KDM1B: variants seen among roughly 807,000 people sequenced by gnomAD.
KDM1B encodes the protein lysine-specific histone demethylase 2.
KDM1B carries 63 observed loss-of-function variants against 107.4 expected under a neutral mutation model. The ratio of observed to expected loss-of-function variants is 0.59; its 90% CI spans 0.48 to 0.72. The LOEUF (loss-of-function observed/expected upper bound fraction) is 0.72. Ranked by LOEUF, KDM1B falls within the 30% of genes least tolerant of loss-of-function variation. The pLI is 0.00. For synonymous variants in KDM1B, 363 were observed against 363.9 expected (o/e 1.00, Z 0.03); for missense variants, 749 against 1,020.8 (o/e 0.73, Z 3.63).
At chr6:18,163,672 T>TAAA (rs1161522873) in intron 5 of KDM1B, among the ~76,000 whole-genome samples, 9 of 152,354 alleles carry the variant, frequency 5.9e-5, no homozygotes, top group Non-Finnish European at 1.3e-4. Context: ...GTTTTCCTTT[T>TAAA]TGATCTATAG....
chr6:18,215,958 T>G (rs1789195517), intron 20 of KDM1B, among the ~76,000 whole-genome samples: 1 of 152,198 alleles, frequency 6.6e-6, no homozygotes, highest in Admixed American at 6.5e-5. Context: ...TCTGGAGATT[T>G]GTAAATGGCC....
chr6:18,171,321 A>T, intron 6 of KDM1B, 42 bp from the exon 7 acceptor site: 2 of 965,542 alleles, frequency 2.1e-6, no homozygotes, highest in Non-Finnish European at 1.7e-6. Context: ...GTAACTGAAG[A>T]TTAGCTCACT....
chr6:18,207,540 A>G lies in KDM1B; in HGVS notation c.1791+11A>G, dbSNP rs201278317. ...CAACTCAAATCTCCAGTGAGTATCA[A>G]CTGCTGGGAGGCTCTGGCTCGCCTT... is the stretch of plus-strand genomic sequence containing the variant. On this transcript the variant is annotated intron_variant, in intron 16 of 21. Transcript: ENST00000650836. 7.4e-5 allele frequency: 119 copies of G among 1,613,954 alleles called. No individual in the cohort carries two copies. The East Asian group carries it at 1.2e-3, about 16-fold the overall frequency.
At position 18,191,498 on chromosome 6, in the gene KDM1B, G is replaced by T; in HGVS notation, c.969+117G>T. The T allele has an allele frequency of 1.7e-6, 2 of 1,158,286 alleles. No homozygotes were observed. The highest frequency in any genetic ancestry group is 2.4e-6 in the Non-Finnish European group (2 of 832,564). The allele number at this position is 1,158,286 out of a possible 1,614,324, so 71.8% of individuals were successfully genotyped here. On this transcript the variant is annotated intron_variant, in intron 10 of 21. Transcript: ENST00000650836. This position sits in a 1 kb window ranked among gnomAD's most constrained non-coding sequence, Gnocchi z 5.1. ...GCCAGGGTTTCTCAGCCGTGCCTCT[G>T]TTGACAATTTGGGCAGATAATTCTT...
chr6:18,188,566 C>CA (rs931204319), intron 9 of KDM1B, among the ~76,000 whole-genome samples: 1 of 152,008 alleles, frequency 6.6e-6, no homozygotes, highest in Non-Finnish European at 1.5e-5. Flanking sequence ...CACCTACTCT[C>CA]AAAAAAACTG....
At chr6:18,217,601 T>C in intron 20 of KDM1B, 132 bp from the exon 21 acceptor site, 1 of 641,686 alleles carries the variant, frequency 1.6e-6, no homozygotes, top group Non-Finnish European at 2.7e-6. Flanking sequence ...ATCGTCTCGA[T>C]CTCCTGACCT....
intron 21 of KDM1B, among the ~76,000 whole-genome samples, chr6:18,218,609 C>T (rs1789426965): frequency 6.6e-6 from 1 of 152,164 alleles, no homozygotes. Context: ...AAGAAGGTGT[C>T]CACTGATACC....
Position 18,200,280 on chromosome 6 carries a change from C to G in KDM1B, c.1222-159C>G, listed in dbSNP as rs1787949940. Reference sequence around the variant, plus strand: ...TTGTTTTGAACATCTATTTTGGCTTCTCTTCACACTGCCTGCTTTTTAAAG... The same window carrying G: ...TTGTTTTGAACATCTATTTTGGCTTGTCTTCACACTGCCTGCTTTTTAAAG... On this transcript the variant is annotated intron_variant, in intron 12 of 21. Coordinates refer to ENST00000650836, the MANE Select transcript of KDM1B (RefSeq NM_001364614.2). The surrounding 1 kb of genome is among the most constrained non-coding windows in gnomAD (Gnocchi z 4.3). 6.6e-6 allele frequency among the ~76,000 whole-genome samples: 1 copy of G among 152,202 alleles called. No individual in the cohort carries two copies.
rs923284682 is a variant in KDM1B at position 18,211,876 on chromosome 6, G to T, written c.1867-612G>T. The stretch of plus-strand genomic sequence containing the variant: ...TTGGCCACACAGTAGAATGTATTAG[G>T]AATGATGCATAAAGTTCTCCTGACT... On this transcript the variant is annotated intron_variant, in intron 17 of 21. Coordinates refer to ENST00000650836, the MANE Select transcript of KDM1B (RefSeq NM_001364614.2). The surrounding 1 kb of genome is among the most constrained non-coding windows in gnomAD (Gnocchi z 5.2). The T allele has an allele frequency of 1.3e-5, 2 of 153,448 alleles. No homozygotes were observed. The highest frequency in any genetic ancestry group is 2.9e-5 in the Non-Finnish European group (2 of 69,136). 9.5% of individuals were successfully genotyped at this position (153,448 alleles called of 1,614,324 possible).
Position 18,191,950 on chromosome 6 carries a change from A to T in KDM1B, c.969+569A>T, listed in dbSNP as rs990450789. Among the ~76,000 whole-genome samples the T allele has an allele frequency of 2.0e-5, 3 of 152,136 alleles. No homozygotes were observed. Among genetic ancestry groups the T allele is most frequent in the Admixed American group, 6.6e-5 (1 of 15,258 alleles). On this transcript the variant is annotated intron_variant, in intron 10 of 21. Coordinates refer to ENST00000650836, the MANE Select transcript of KDM1B (RefSeq NM_001364614.2). This position sits in a 1 kb window ranked among gnomAD's most constrained non-coding sequence, Gnocchi z 5.1. Reference sequence around the variant, plus strand: ...AAATAAATTATGGGGCAGAATGGGAATACTAGCTAAAAACAAAAAACAAAG... The same window carrying T: ...AAATAAATTATGGGGCAGAATGGGATTACTAGCTAAAAACAAAAAACAAAG...
intron 7 of KDM1B, among the ~76,000 whole-genome samples, chr6:18,180,537 T>C (rs1227334981): frequency 6.6e-6 from 1 of 152,238 alleles, no homozygotes; most frequent in Non-Finnish European, 1.5e-5. Flanking sequence ...TAATACTACA[T>C]TAATCAATAC....
chr6:18,159,116 C>T lies in KDM1B; in HGVS notation c.-13-767C>T, dbSNP rs1016853447. Among the ~76,000 whole-genome samples the T allele has an allele frequency of 3.9e-5, 6 of 152,256 alleles. No homozygotes were observed. Among genetic ancestry groups the T allele is most frequent in the Admixed American group, 6.5e-5 (1 of 15,296 alleles). On this transcript the variant is annotated intron_variant, in intron 2 of 21. Coordinates refer to ENST00000650836, the MANE Select transcript of KDM1B (RefSeq NM_001364614.2). The surrounding 1 kb of genome is among the most constrained non-coding windows in gnomAD (Gnocchi z 4.5). ...CTGAGTAGCTGGAATTACAGGCACG[C>T]GCCTCCATGCCTGGCTAATTTTTGT...
chr6:18,200,062 C>T lies in KDM1B; in HGVS notation c.1222-377C>T, dbSNP rs1268436910. Among the ~76,000 whole-genome samples the T allele has an allele frequency of 6.6e-6, 1 of 152,122 alleles. No individual in the cohort carries two copies. Among genetic ancestry groups the T allele is most frequent in the Admixed American group, 6.6e-5 (1 of 15,264 alleles). On this transcript the variant is annotated intron_variant, in intron 12 of 21. Transcript: ENST00000650836. The surrounding 1 kb of genome is among the most constrained non-coding windows in gnomAD (Gnocchi z 4.3). ...CCCGACTATGTATTTCTGGTAGAGACAGGGTTTCACCATGTTGGCCAAACT... is the reference window on the plus strand; with the variant it reads ...CCCGACTATGTATTTCTGGTAGAGATAGGGTTTCACCATGTTGGCCAAACT...
chr6:18,200,816 T>C lies in KDM1B; in HGVS notation c.1359+240T>C, dbSNP rs1380328402. Among the ~76,000 whole-genome samples, 1 of 152,172 alleles carries C rather than the reference T, an allele frequency of 6.6e-6. No individual in the cohort carries two copies. The highest frequency in any genetic ancestry group is 1.5e-5 in the Non-Finnish European group (1 of 68,026). ...ATTTCCTTGTTCTTTGCAGGCCACT[T>C]GGTTATCTCATAATTTTAGAGTTGC... On this transcript the variant is annotated intron_variant, in intron 13 of 21. Transcript: ENST00000650836. The surrounding 1 kb of genome is among the most constrained non-coding windows in gnomAD (Gnocchi z 4.3).
chr6:18,217,668 C>A, intron 20 of KDM1B, 65 bp from the exon 21 acceptor site: 1 of 1,406,116 alleles, frequency 7.1e-7, no homozygotes, highest in Non-Finnish European at 1.0e-6. Flanking sequence ...AGGCATGAGT[C>A]ACTGCGCCCT....
At position 18,198,652 on chromosome 6, in the gene KDM1B, A is replaced by AAAC. The variant is rs1554147595; in HGVS notation, c.1221+993_1221+994insCAA. On this transcript the variant is annotated intron_variant, in intron 12 of 21. Coordinates refer to ENST00000650836, the MANE Select transcript of KDM1B (RefSeq NM_001364614.2). ...GACTCCATCTCAAAAAAAAAAAAAAAAAAAACAAAACGCCCTTTGAATCTC... is the reference window on the plus strand; with the variant it reads ...GACTCCATCTCAAAAAAAAAAAAAAAAACAAAAACAAAACGCCCTTTGAATCTC... Among the ~76,000 whole-genome samples, 245 of 143,124 alleles carry AAAC rather than the reference A, an allele frequency of 1.7e-3. 5 individuals are homozygous for AAAC. Among genetic ancestry groups the AAAC allele is most frequent in the African/African-American group, 5.5e-3 (209 of 38,286 alleles). The allele number at this position is 143,124 out of a possible 152,430, so 93.9% of individuals were successfully genotyped here.
rs936678414 is a variant in KDM1B, at chr6:18,207,478, G to A, written c.1740G>A (p.Ser580=). 1.1e-5 allele frequency: 17 copies of A among 1,614,058 alleles called. No individual in the cohort carries two copies. The highest frequency in any genetic ancestry group is 1.7e-5 in the Admixed American group (1 of 59,998). The change falls in exon 16 of 22, where the codon TCG becomes TCA. Residue 580 remains serine (S), a synonymous_variant. Transcript: ENST00000650836. ...GDHTLLTPGY[S]VIIEKLAEGL... ...ACACTCTGCTAACTCCCGGGTACTC[G>A]GTGATAATTGAAAAACTGGCAGAAG... is the stretch of plus-strand genomic sequence containing the variant.
rs572180691 is a variant in KDM1B, at chr6:18,172,876, G to C, written c.534+1397G>C. Among the ~76,000 whole-genome samples, 174 of 152,176 alleles carry C rather than the reference G, an allele frequency of 1.1e-3. 2 individuals carry two copies. Among genetic ancestry groups the C allele is most frequent in the Non-Finnish European group, 1.9e-3 (128 of 68,016 alleles). ...AGGCCGAGATGGGCGGATCACCCGA[G>C]GTCAGGAGTTCAAGACCAGCCTGGC... On this transcript the variant is annotated intron_variant, in intron 7 of 21. Transcript: ENST00000650836. This position sits in a 1 kb window ranked among gnomAD's most constrained non-coding sequence, Gnocchi z 5.2.
At chr6:18,208,628 T>TATATATATATA (rs1491350264) in intron 17 of KDM1B, among the ~76,000 whole-genome samples, 23 of 16,210 alleles carry the variant, frequency 1.4e-3, no homozygotes, top group South Asian at 9.5e-3. Context: ...TATATATATA[T>TATATATATATA]TTTTTTTTTT....
Sources: allele counts gnomAD v4.1 joint callset (sites outside exome capture counted in the v4.1 genomes callset), GRCh38; gene constraint gnomAD v4.1.1; non-coding constraint Gnocchi (gnomAD v3.1); transcripts MANE v1.5; gene names NCBI Gene and HGNC (gene_info 2026-07-23, HGNC 2026-07-21).